Variants in TMEM126B observed in about 807,000 individuals in gnomAD.
TMEM126B encodes the protein complex I assembly factor TMEM126B, mitochondrial.
Under a neutral mutation model 16.5 loss-of-function variants are expected in TMEM126B, and 19 were observed. That is an observed-to-expected ratio of 1.15 (90% CI 0.80 to 1.69). The LOEUF (loss-of-function observed/expected upper bound fraction) is 1.69. Ranked by LOEUF, TMEM126B falls within the 40% of genes most tolerant of loss-of-function variation. The pLI, the probability that TMEM126B is intolerant of heterozygous loss-of-function variation, is 0.00. For missense variants in TMEM126B, 293 were observed against 278.7 expected (o/e 1.05, Z -0.37); for synonymous variants, 104 against 93.2 (o/e 1.12, Z -0.67).
In TMEM126B at chr11:85,628,622, G is replaced by GT; in HGVS notation, c.16dup (p.Tyr6LeufsTer2). 1 of 1,536,138 alleles carries GT rather than the reference G, an allele frequency of 6.5e-7. No homozygotes were observed. ...GAGCCACCAAAATGGTGGTGTTCGGGTATGAGGCTGGGACTAAGCCAAGGG... is the reference window on the plus strand; with the variant it reads ...GAGCCACCAAAATGGTGGTGTTCGGGTTATGAGGCTGGGACTAAGCCAAGGG... On this transcript the variant is annotated frameshift_variant, in exon 1 of 5. Coordinates refer to ENST00000358867, the MANE Select transcript of TMEM126B (RefSeq NM_018480.7). LOFTEE classifies it high-confidence loss of function.
At chr11:85,635,570 G>A (rs2082382370) in intron 3 of TMEM126B, 97 bp from the exon 4 acceptor site, 1 of 729,156 alleles carries the variant, frequency 1.4e-6, no homozygotes, top group Admixed American at 2.7e-5. Context: ...GTTTAGTTGT[G>A]GTTGAGGATA....
chr11:85,628,633 G>T lies in TMEM126B; in HGVS notation c.26G>T (p.Gly9Val), dbSNP rs997327667. Residue 9 changes from glycine (G) to valine (V), a missense_variant, in exon 1 of 5, where the codon GGG becomes GTG. Transcript: ENST00000358867. ...ATGGTGGTGTTCGGGTATGAGGCTG[G>T]GACTAAGCCAAGGGATTCAGGTGTG... MVVFGYEA[G>V]TKPRDSGVVP... 1.3e-6 allele frequency: 2 copies of T among 1,536,136 alleles called. No homozygotes were observed. The highest frequency in any genetic ancestry group is 1.2e-5 in the South Asian group (1 of 84,062).
chr11:85,632,806 T>C (rs558937158), intron 2 of TMEM126B, among the ~76,000 whole-genome samples: 11 of 151,952 alleles, frequency 7.2e-5, no homozygotes, highest in African/African-American at 2.4e-4. Context: ...TTTTTTTTAT[T>C]TTATTATTAT....
Position 85,636,363 on chromosome 11 carries a change from C to A in TMEM126B, c.*134C>A. Reference sequence around the variant, plus strand: ...CCTTTTGCCTGGTATATAGCAAATACTCAAAAAGTATTCAATAATTCAATC... The same window carrying A: ...CCTTTTGCCTGGTATATAGCAAATAATCAAAAAGTATTCAATAATTCAATC... On this transcript the variant is annotated 3_prime_UTR_variant, in exon 5 of 5. Coordinates refer to ENST00000358867, the MANE Select transcript of TMEM126B (RefSeq NM_018480.7). 1.9e-6 allele frequency: 1 copy of A among 534,174 alleles called. No individual in the cohort carries two copies. The allele number at this position is 534,174 out of a possible 1,614,324, so 33.1% of individuals were successfully genotyped here. A position where few individuals can be genotyped will look rare whatever the true frequency, so the allele number is the denominator to read the frequency against.
intron 2 of TMEM126B, among the ~76,000 whole-genome samples, chr11:85,632,720 A>C (rs2082325263): frequency 6.6e-6 from 1 of 152,158 alleles, no homozygotes; most frequent in Admixed American, 6.5e-5. Context: ...AAATTTATAC[A>C]GTTATGTAAC....
chr11:85,634,129 G>A lies in TMEM126B; in HGVS notation c.247G>A (p.Gly83Ser), dbSNP rs1424519305. The change falls in exon 3 of 5, where the codon GGT becomes AGT. Residue 83 changes from glycine (G) to serine (S), a missense_variant. Transcript: ENST00000358867. Reference sequence around the variant, plus strand: ...AATGGCGACATTTGGAACAACAGCTGGTTTCTCTGGAATATTCTCAAACTT... The same window carrying A: ...AATGGCGACATTTGGAACAACAGCTAGTTTCTCTGGAATATTCTCAAACTT... The part of the protein sequence containing the change: ...YQMATFGTTA[G>S]FSGIFSNFLF... 6.2e-7 allele frequency: 1 copy of A among 1,613,462 alleles called. No homozygotes were observed.
At position 85,631,825 on chromosome 11, in the gene TMEM126B, G is replaced by A. The variant is rs1371072106; in HGVS notation, c.203+17G>A. On this transcript the variant is annotated intron_variant, in intron 2 of 4. Coordinates refer to ENST00000358867, the MANE Select transcript of TMEM126B (RefSeq NM_018480.7). ...AAAAGAAATGTAAGAGAAATGCCCA[G>A]GCTGAAAATCAGTCATTTTATTTGC... The A allele has an allele frequency of 1.9e-6, 3 of 1,582,950 alleles. No homozygotes were observed. The highest frequency in any genetic ancestry group is 2.6e-6 in the Non-Finnish European group (3 of 1,172,080).
In TMEM126B at chr11:85,636,108, A is replaced by T; in HGVS notation, c.572A>T (p.Gln191Leu). The change falls in exon 5 of 5, where the codon CAA becomes CTA. Residue 191 changes from glutamine (Q) to leucine (L), a missense_variant. By Grantham distance (113) the Gln-to-Leu change is moderately radical. Coordinates refer to ENST00000358867, the MANE Select transcript of TMEM126B (RefSeq NM_018480.7). ...RVLIHWMTLC[Q>L]TQMKLMAIPL... ...TTAATCCATTGGATGACGCTTTGTC[A>T]AACACAAATGAAATTAATGGCGATT... is the stretch of plus-strand genomic sequence containing the variant. 6.2e-7 allele frequency: 1 copy of T among 1,612,862 alleles called. No homozygotes were observed. The highest frequency in any genetic ancestry group is 8.5e-7 in the Non-Finnish European group (1 of 1,179,638).
chr11:85,628,982 C>T, intron 1 of TMEM126B: 1 of 493,856 alleles, frequency 2.0e-6, no homozygotes, highest in African/African-American at 2.0e-5. Flanking sequence ...CCCAACTCCC[C>T]TGCCAAACTG....
chr11:85,634,048 A>G (rs1021967968), intron 2 of TMEM126B, 38 bp from the exon 3 acceptor site: 1 of 1,466,274 alleles, frequency 6.8e-7, no homozygotes, highest in Non-Finnish European at 9.4e-7. Flanking sequence ...ATTAAGTTCA[A>G]TGGTATAGTG....
At chr11:85,635,580 A>C (rs2082382647) in intron 3 of TMEM126B, 87 bp from the exon 4 acceptor site, 2 of 809,380 alleles carry the variant, frequency 2.5e-6, no homozygotes, top group Admixed American at 5.0e-5. Context: ...GGTTGAGGAT[A>C]GTGCAGATAA....
At position 85,631,773 on chromosome 11, in the gene TMEM126B, C is replaced by T. The variant is rs568620806; in HGVS notation, c.168C>T (p.Ile56=). The T allele has an allele frequency of 7.4e-5, 119 of 1,611,594 alleles. 1 individual carries two copies. In the South Asian group the frequency reaches 1.1e-3, roughly 14 times the overall value. ...AKLRRPMVIE[I]IEKNFDYLRK... ...TCAGAAGACCAATGGTCATAGAAAT[C>T]ATAGAAAAAAATTTTGACTATCTTA... Residue 56 remains isoleucine (I), a synonymous_variant, in exon 2 of 5, where the codon ATC becomes ATT. Transcript: ENST00000358867.
rs991581356 is a variant in TMEM126B at position 85,631,647 on chromosome 11, A to T, written c.82-40A>T. The T allele has an allele frequency of 1.9e-6, 3 of 1,579,872 alleles. No homozygotes were observed. The African/African-American group carries it at 4.5e-5, about 23-fold the overall frequency. On this transcript the variant is annotated intron_variant, in intron 1 of 4. Transcript: ENST00000358867. ...TTCTGTAAGGTTTTATGTAATATGAATATCATTAGCTATTATGGCTCTGGA... is the reference window on the plus strand; with the variant it reads ...TTCTGTAAGGTTTTATGTAATATGATTATCATTAGCTATTATGGCTCTGGA...
intron 3 of TMEM126B, chr11:85,634,633 C>T (rs2082365629): frequency 1.6e-5 from 3 of 192,574 alleles, no homozygotes; most frequent in South Asian, 9.3e-5. Context: ...TCTGAGCCTC[C>T]GTTGTCTTAT....
At chr11:85,635,989 C>G (rs2082396197) in intron 4 of TMEM126B, 57 bp from the exon 5 acceptor site, 9 of 1,484,868 alleles carry the variant, frequency 6.1e-6, no homozygotes, top group Non-Finnish European at 8.1e-6. Context: ...GAGAAGTCAA[C>G]AAACTTCTAA....
Position 85,631,165 on chromosome 11 carries a change from A to G in TMEM126B, c.82-522A>G, listed in dbSNP as rs1031612273. ...TCTAGGAAATGAAACACGATTTCCA[A>G]AATGAACTTAATCTTTCATGAGAAA... On this transcript the variant is annotated intron_variant, in intron 1 of 4. Transcript: ENST00000358867. The G allele has an allele frequency of 6.8e-5, 88 of 1,290,388 alleles. 1 individual carries two copies. The highest frequency in any genetic ancestry group is 3.2e-4 in the African/African-American group (21 of 66,558). The allele number at this position is 1,290,388 out of a possible 1,614,324, so 79.9% of individuals were successfully genotyped here.
chr11:85,634,377 T>C (rs2082360981), intron 3 of TMEM126B, 98 bp downstream of exon 3: 2 of 843,664 alleles, frequency 2.4e-6, no homozygotes, highest in Admixed American at 2.7e-5. Context: ...TCTTTACATT[T>C]ATATATTGCT....
At chr11:85,634,395 T>TTG in intron 3 of TMEM126B, 116 bp downstream of exon 3, 1 of 757,256 alleles carries the variant, frequency 1.3e-6, no homozygotes, top group East Asian at 2.7e-5. Flanking sequence ...GCTATACAGT[T>TTG]TACAAAGTCC....
chr11:85,635,923 C>A (rs2082395274), intron 4 of TMEM126B, 123 bp from the exon 5 acceptor site: 2 of 1,181,860 alleles, frequency 1.7e-6, no homozygotes, highest in Non-Finnish European at 2.3e-6. Flanking sequence ...AGATAGCTAA[C>A]TTTTAACTTT....
Sources: gnomAD v4.1 joint callset for allele counts (sites outside exome capture counted in the v4.1 genomes callset) on GRCh38, gnomAD v4.1.1 for gene constraint, MANE v1.5 for transcripts, NCBI Gene and HGNC (gene_info 2026-07-23, HGNC 2026-07-21) for gene names.